CFAP299: variants seen among roughly 807,000 people sequenced by gnomAD.
CFAP299 encodes the protein cilia and flagella associated protein 299, also known as cilia- and flagella-associated protein 299.
In CFAP299, 21 loss-of-function variants were observed where a neutral mutation model predicts 27.0. That is an observed-to-expected ratio of 0.78 (90% CI 0.55 to 1.12). The LOEUF is 1.12. Ranked by LOEUF, CFAP299 falls within the 50% of genes most tolerant of loss-of-function variation. CFAP299 has a pLI of 0.00. For missense variants in CFAP299, 310 were observed against 276.6 expected (o/e 1.12, Z -0.86); for synonymous variants, 104 against 98.1 (o/e 1.06, Z -0.36).
At position 80,864,491 on chromosome 4, in the gene CFAP299, C is replaced by CACAT. The variant is rs1216109557; in HGVS notation, c.334-5501_334-5500insCATA. Among the ~76,000 whole-genome samples the CACAT allele has an allele frequency of 4.8e-5, 7 of 145,398 alleles. No individual in the cohort carries two copies. The East Asian group carries it at 1.4e-3, about 29-fold the overall frequency. ...ATACCTATGTGTATACATATATACACATATATATACATATATACCTATATA... is the reference window on the plus strand; with the variant it reads ...ATACCTATGTGTATACATATATACACACATATATATATACATATATACCTATATA... On this transcript the variant is annotated intron_variant, in intron 3 of 5. Coordinates refer to ENST00000358105, the MANE Select transcript of CFAP299 (RefSeq NM_152770.3).
At chr4:80,837,566 G>A (rs139959013) in intron 3 of CFAP299, among the ~76,000 whole-genome samples, 2,603 of 152,212 alleles carry the variant, frequency 0.017, 73 homozygotes, top group African/African-American at 0.058. Context: ...TTAGTTTGCT[G>A]AGAATAATGT....
intron 4 of CFAP299, among the ~76,000 whole-genome samples, chr4:80,901,125 G>A (rs9999170): frequency 0.11 from 17,384 of 152,108 alleles, 2,166 homozygotes; most frequent in African/African-American, 0.31. Flanking sequence ...GTTGCCTGTT[G>A]AGGCTGGACT....
chr4:80,434,849 G>C (rs1011796175), intron 2 of CFAP299, among the ~76,000 whole-genome samples: 3 of 152,176 alleles, frequency 2.0e-5, no homozygotes, highest in Non-Finnish European at 4.4e-5. Flanking sequence ...CAAAGCACTG[G>C]TATAATTGTC....
In CFAP299 at chr4:80,479,844, C is replaced by G. The variant is rs563583918; in HGVS notation, c.243-103249C>G. Among the ~76,000 whole-genome samples the G allele has an allele frequency of 3.0e-3, 458 of 151,952 alleles. 3 individuals carry two copies. The highest frequency in any genetic ancestry group is 7.5e-3 in the South Asian group (36 of 4,816). ...GATAGAAAAAATCTTTATATTGGTC[C>G]TGAATTAAGTGGACACCTGGAACAT... On this transcript the variant is annotated intron_variant, in intron 2 of 5. Transcript: ENST00000358105.
At position 80,793,235 on chromosome 4, in the gene CFAP299, T is replaced by C. The variant is rs759368911; in HGVS notation, c.334-76758T>C. On this transcript the variant is annotated intron_variant, in intron 3 of 5. Transcript: ENST00000358105. ...AGTCTGAGTTGCAAAACTGAAGACCTTGGAGTCTGATGTTCAAGGGCAGGA... is the reference window on the plus strand; with the variant it reads ...AGTCTGAGTTGCAAAACTGAAGACCCTGGAGTCTGATGTTCAAGGGCAGGA... Among the ~76,000 whole-genome samples the C allele has an allele frequency of 7.9e-5, 12 of 151,802 alleles. 1 individual carries two copies. Among genetic ancestry groups the C allele is most frequent in the Admixed American group, 1.3e-4 (2 of 15,188 alleles).
upstream of CFAP299, among the ~76,000 whole-genome samples, chr4:80,333,980 T>C (rs1200128782): frequency 6.6e-6 from 1 of 152,228 alleles, no homozygotes; most frequent in Non-Finnish European, 1.5e-5. Flanking sequence ...AATTGAGTTA[T>C]ACGCACTATT....
At chr4:80,923,626 C>T (rs758188615) in intron 4 of CFAP299, among the ~76,000 whole-genome samples, 12 of 151,970 alleles carry the variant, frequency 7.9e-5, no homozygotes, top group Admixed American at 3.3e-4. Flanking sequence ...ATTTCAGTTA[C>T]GATAGCTGCC....
At chr4:80,845,114 ATC>A (rs1426071452) in intron 3 of CFAP299, among the ~76,000 whole-genome samples, 2 of 152,072 alleles carry the variant, frequency 1.3e-5, no homozygotes, top group Admixed American at 1.3e-4. Context: ...ATTGGTCTAT[ATC>A]TCTGTTTTGG....
At chr4:80,700,486 T>A (rs577154926) in intron 3 of CFAP299, among the ~76,000 whole-genome samples, 1 of 152,186 alleles carries the variant, frequency 6.6e-6, no homozygotes, top group African/African-American at 2.4e-5. Context: ...AAAGCTAAGG[T>A]AGTAGTACTT....
intron 1 of CFAP299, among the ~76,000 whole-genome samples, chr4:80,349,656 T>C (rs537042278): frequency 6.6e-6 from 1 of 152,236 alleles, no homozygotes; most frequent in African/African-American, 2.4e-5. Flanking sequence ...ACTCATGATA[T>C]TAAATGTAAA....
At chr4:80,897,366 G>T (rs1409334484) in intron 4 of CFAP299, among the ~76,000 whole-genome samples, 1 of 152,158 alleles carries the variant, frequency 6.6e-6, no homozygotes, top group Non-Finnish European at 1.5e-5. Context: ...GCTTCTCTTG[G>T]AATGCTTATA....
At chr4:80,454,472 T>C (rs1339026488) in intron 2 of CFAP299, among the ~76,000 whole-genome samples, 1 of 152,120 alleles carries the variant, frequency 6.6e-6, no homozygotes, top group Middle Eastern at 3.2e-3. Flanking sequence ...AATTCTGGAA[T>C]ATAGGAGTCC....
chr4:80,863,674 A>G (rs1578195657), intron 3 of CFAP299, among the ~76,000 whole-genome samples: 1 of 152,266 alleles, frequency 6.6e-6, no homozygotes, highest in East Asian at 1.9e-4. Flanking sequence ...TAGGTTGCCA[A>G]TAAATAGATC....
chr4:80,945,979 C>A (rs1393941685), intron 5 of CFAP299, among the ~76,000 whole-genome samples: 1 of 151,660 alleles, frequency 6.6e-6, no homozygotes, highest in Non-Finnish European at 1.5e-5. Context: ...CATGGAGAAA[C>A]CCCATCTGTA....
At position 80,836,917 on chromosome 4, in the gene CFAP299, C is replaced by G. The variant is rs184010889; in HGVS notation, c.334-33076C>G. Among the ~76,000 whole-genome samples, 580 of 152,106 alleles carry G rather than the reference C, an allele frequency of 3.8e-3. 1 individual carries two copies. Among genetic ancestry groups the G allele is most frequent in the Middle Eastern group, 0.01 (3 of 292 alleles). On this transcript the variant is annotated intron_variant, in intron 3 of 5. Transcript: ENST00000358105. The stretch of plus-strand genomic sequence containing the variant: ...ATTAAAAAAAAGTTTTCACTGAAAG[C>G]ATTACTCCTCCAAGCATTTTATTTT...
At chr4:80,609,727 T>C (rs1249763961) in intron 3 of CFAP299, among the ~76,000 whole-genome samples, 1 of 152,120 alleles carries the variant, frequency 6.6e-6, no homozygotes, top group Non-Finnish European at 1.5e-5. Context: ...TGCTATTTTA[T>C]GTGTAACTGT....
At chr4:80,496,865 G>T (rs1012178281) in intron 2 of CFAP299, among the ~76,000 whole-genome samples, 32 of 152,242 alleles carry the variant, frequency 2.1e-4, no homozygotes, top group African/African-American at 7.0e-4. Context: ...AAAGACAGAG[G>T]GGGAGTAGGC....
At chr4:80,555,437 A>G (rs928662003) in intron 2 of CFAP299, among the ~76,000 whole-genome samples, 1 of 152,064 alleles carries the variant, frequency 6.6e-6, no homozygotes, top group African/African-American at 2.4e-5. Flanking sequence ...ATGTTCATCA[A>G]AAGATACTGG....
Position 80,587,068 on chromosome 4 carries a change from A to G in CFAP299, c.333+3885A>G, listed in dbSNP as rs1310923121. On this transcript the variant is annotated intron_variant, in intron 3 of 5. Coordinates refer to ENST00000358105, the MANE Select transcript of CFAP299 (RefSeq NM_152770.3). ...CATAAGATTGCGTTGTATATGACCAATAACATTGTGCTGACATGATCTTTT... is the reference window on the plus strand; with the variant it reads ...CATAAGATTGCGTTGTATATGACCAGTAACATTGTGCTGACATGATCTTTT... Among the ~76,000 whole-genome samples, 4 of 152,176 alleles carry G rather than the reference A, an allele frequency of 2.6e-5. No individual in the cohort carries two copies. The East Asian group carries it at 7.7e-4, about 29-fold the overall frequency.
Sources: allele counts gnomAD v4.1 joint callset (sites outside exome capture counted in the v4.1 genomes callset), GRCh38; gene constraint gnomAD v4.1.1; transcripts MANE v1.5; gene names NCBI Gene and HGNC (gene_info 2026-07-23, HGNC 2026-07-21).